The following TNR variants were observed in gnomAD, a reference collection of about 807,000 sequenced individuals.
TNR encodes the protein tenascin-R.
In TNR, 45 loss-of-function variants were observed where a neutral mutation model predicts 150.4. The observed-to-expected ratio is 0.30, with a 90% CI of 0.24 to 0.38. TNR has a LOEUF of 0.38. Ranked by LOEUF, TNR falls within the 10% of genes least tolerant of loss-of-function variation. The pLI is 1.00. For synonymous variants in TNR, 687 were observed against 678.4 expected, an observed-to-expected ratio of 1.01 and a Z score of -0.20; for missense variants, 1,544 against 1,759.1, an observed-to-expected ratio of 0.88 and a Z score of 2.19.
intron 18 of TNR, among the ~76,000 whole-genome samples, chr1:175,345,998 C>A (rs946209089): frequency 6.6e-6 from 1 of 152,074 alleles, no homozygotes. Flanking sequence ...AATGGCAACA[C>A]TGCATTTGAG....
chr1:175,468,645 G>A (rs1047080627), intron 2 of TNR, among the ~76,000 whole-genome samples: 4 of 152,136 alleles, frequency 2.6e-5, no homozygotes, highest in Admixed American at 6.5e-5. Context: ...TTAGTGTTCA[G>A]TATGACCCGG....
intron 2 of TNR, among the ~76,000 whole-genome samples, chr1:175,465,033 T>G (rs981575738): frequency 2.0e-4 from 31 of 152,152 alleles, no homozygotes; most frequent in Non-Finnish European, 3.5e-4. Flanking sequence ...GATTCAGTTG[T>G]TGGGGTTTCA....
intron 1 of TNR, among the ~76,000 whole-genome samples, chr1:175,731,620 A>G (rs1209325547): frequency 1.3e-5 from 2 of 152,162 alleles, no homozygotes; most frequent in Non-Finnish European, 2.9e-5. Context: ...AGAGAGGCTC[A>G]ATGATTTCAT....
intron 1 of TNR, among the ~76,000 whole-genome samples, chr1:175,668,358 C>CT (rs1466596244): frequency 1.3e-5 from 2 of 152,014 alleles, no homozygotes; most frequent in Non-Finnish European, 2.9e-5. Context: ...AGAGAGGTGT[C>CT]TAAGTGTCAT....
intron 1 of TNR, among the ~76,000 whole-genome samples, chr1:175,627,817 G>C (rs1664201637): frequency 6.6e-6 from 1 of 152,062 alleles, no homozygotes; most frequent in African/African-American, 2.4e-5. Context: ...TCCTATTGGA[G>C]AGAGCTCAAG....
chr1:175,567,228 A>G (rs981619233), intron 1 of TNR, among the ~76,000 whole-genome samples: 1 of 152,140 alleles, frequency 6.6e-6, no homozygotes, highest in Non-Finnish European at 1.5e-5. Context: ...TAAATTTCCT[A>G]TGAGAAAAGA....
intron 1 of TNR, among the ~76,000 whole-genome samples, chr1:175,584,991 T>C (rs1285892679): frequency 6.6e-6 from 1 of 152,340 alleles, no homozygotes; most frequent in East Asian, 1.9e-4. Flanking sequence ...CTGCACGTCA[T>C]TGGTTTACTG....
At chr1:175,716,501 C>T (rs12049354) in intron 1 of TNR, among the ~76,000 whole-genome samples, 23,686 of 152,136 alleles carry the variant, frequency 0.16, 2,167 homozygotes, top group Middle Eastern at 0.24. Flanking sequence ...TCAAAGAGCT[C>T]TTGCCCAACC....
intron 1 of TNR, among the ~76,000 whole-genome samples, chr1:175,559,991 G>A (rs1443997363): frequency 6.6e-6 from 1 of 152,126 alleles, no homozygotes; most frequent in East Asian, 1.9e-4. Flanking sequence ...TTTTGTCCTG[G>A]GCAGACTACA....
intron 1 of TNR, among the ~76,000 whole-genome samples, chr1:175,686,468 G>A (rs1423648472): frequency 8.5e-5 from 13 of 152,112 alleles, no homozygotes; most frequent in Admixed American, 8.5e-4. Flanking sequence ...ATTCCCTTTT[G>A]CCTACCATTA....
intron 9 of TNR, among the ~76,000 whole-genome samples, chr1:175,371,301 T>C (rs1033916327): frequency 6.6e-6 from 1 of 152,238 alleles, no homozygotes; most frequent in African/African-American, 2.4e-5. Context: ...CTGTTCCTTA[T>C]AGAACTTTCT....
chr1:175,529,785 C>T (rs577518675), intron 1 of TNR, among the ~76,000 whole-genome samples: 3 of 152,276 alleles, frequency 2.0e-5, no homozygotes, highest in African/African-American at 4.8e-5. Flanking sequence ...CTTTCTTTTC[C>T]TCATCCTCAC....
At chr1:175,433,039 G>A (rs1655345328) in intron 2 of TNR, among the ~76,000 whole-genome samples, 1 of 152,148 alleles carries the variant, frequency 6.6e-6, no homozygotes, top group South Asian at 2.1e-4. Flanking sequence ...ACTGGAGCAT[G>A]GGCATGATGG....
chr1:175,712,793 A>G (rs1162726351), intron 1 of TNR, among the ~76,000 whole-genome samples: 2 of 152,122 alleles, frequency 1.3e-5, no homozygotes, highest in Admixed American at 1.3e-4. Flanking sequence ...CTCCCGAGAA[A>G]CTGAGCAGAT....
At chr1:175,330,351 T>C in intron 20 of TNR, 116 bp from the exon 21 acceptor site, 5 of 1,162,238 alleles carry the variant, frequency 4.3e-6, no homozygotes, top group Non-Finnish European at 5.8e-6. Flanking sequence ...GGACTCCAGA[T>C]TGCTTTTGCT....
chr1:175,537,583 A>G (rs1660341768), intron 1 of TNR, among the ~76,000 whole-genome samples: 1 of 152,158 alleles, frequency 6.6e-6, no homozygotes, highest in Non-Finnish European at 1.5e-5. Flanking sequence ...GTTCAATTTT[A>G]ATTTGCTTGA....
chr1:175,725,306 G>A (rs989404151), intron 1 of TNR, among the ~76,000 whole-genome samples: 5 of 152,138 alleles, frequency 3.3e-5, no homozygotes, highest in African/African-American at 1.2e-4. Context: ...GTGCTTTCCA[G>A]CCATATAAGT....
chr1:175,706,568 T>C (rs1666848177), intron 1 of TNR, among the ~76,000 whole-genome samples: 1 of 152,132 alleles, frequency 6.6e-6, no homozygotes, highest in South Asian at 2.1e-4. Context: ...CCAGCATCTG[T>C]TCAGCATGGA....
chr1:175,458,590 G>T (rs1330513635), intron 2 of TNR, among the ~76,000 whole-genome samples: 1 of 152,166 alleles, frequency 6.6e-6, no homozygotes, highest in Admixed American at 6.5e-5. Context: ...TAGAAGAGAG[G>T]ATGGTCAGGA....
Sources: gnomAD v4.1 joint callset for allele counts (sites outside exome capture counted in the v4.1 genomes callset) on GRCh38, gnomAD v4.1.1 for gene constraint, MANE v1.5 for transcripts, NCBI Gene and HGNC (gene_info 2026-07-23, HGNC 2026-07-21) for gene names.